Variants in GDPD5 observed in about 807,000 individuals in gnomAD.
GDPD5 encodes the protein glycerophosphodiester phosphodiesterase domain containing 5, also known as glycerophosphodiester phosphodiesterase 2.
In GDPD5, 48 loss-of-function variants were observed where a neutral mutation model predicts 75.1. That is an observed-to-expected ratio of 0.64 (90% confidence interval 0.51 to 0.81). The LOEUF (loss-of-function observed/expected upper bound fraction) is 0.81. Among genes scored for constraint, GDPD5 ranks in the 40% least tolerant of loss-of-function variants. The pLI is 0.00. For synonymous variants in GDPD5, 336 were observed against 339.0 expected, an observed-to-expected ratio of 0.99 and a Z score of 0.10; for missense variants, 706 against 822.6, an observed-to-expected ratio of 0.86 and a Z score of 1.73.
intron 1 of GDPD5, among the ~76,000 whole-genome samples, chr11:75,523,402 A>C (rs1287626944): frequency 6.6e-6 from 1 of 152,196 alleles, no homozygotes; most frequent in African/African-American, 2.4e-5. Context: ...GCAAACTCAA[A>C]GGCCCTGGGG....
At chr11:75,504,378 A>C (rs1183541268) in intron 1 of GDPD5, among the ~76,000 whole-genome samples, 1 of 152,112 alleles carries the variant, frequency 6.6e-6, no homozygotes, top group Non-Finnish European at 1.5e-5. Flanking sequence ...CCAACTTCAA[A>C]ACTCCCTACT....
intron 1 of GDPD5, among the ~76,000 whole-genome samples, chr11:75,518,608 C>T (rs902967087): frequency 1.3e-5 from 2 of 152,198 alleles, no homozygotes; most frequent in Admixed American, 6.5e-5. Flanking sequence ...ACCTCTGAAA[C>T]TCTCCTGCCA....
chr11:75,437,326 G>A (rs991195569), intron 15 of GDPD5: 9 of 459,490 alleles, frequency 2.0e-5, no homozygotes, highest in South Asian at 1.9e-4. Context: ...TGTCTCAGGT[G>A]TCCCCAGTAA....
intron 3 of GDPD5, among the ~76,000 whole-genome samples, chr11:75,473,753 A>G (rs914084796): frequency 1.3e-5 from 2 of 152,136 alleles, no homozygotes; most frequent in Non-Finnish European, 2.9e-5. Context: ...CCTGAACACA[A>G]GACACTCTCT....
intron 3 of GDPD5, among the ~76,000 whole-genome samples, chr11:75,465,923 G>A (rs1190213620): frequency 6.6e-6 from 1 of 152,244 alleles, no homozygotes; most frequent in East Asian, 1.9e-4. Flanking sequence ...AGGGCCCAGG[G>A]GCAAGGCTGA....
intron 2 of GDPD5, among the ~76,000 whole-genome samples, chr11:75,487,137 G>A (rs776610981): frequency 4.6e-5 from 7 of 152,166 alleles, no homozygotes; most frequent in East Asian, 3.9e-4. Context: ...TGTGCTCTCC[G>A]GCCCCAGCCT....
chr11:75,448,745 C>T (rs1448237914), intron 9 of GDPD5: 9 of 1,206,220 alleles, frequency 7.5e-6, no homozygotes, highest in African/African-American at 1.6e-5. Context: ...CCTCCTGCAT[C>T]TTTGCAGGGC....
At chr11:75,474,383 C>T (rs1949736124) in intron 3 of GDPD5, among the ~76,000 whole-genome samples, 1 of 152,200 alleles carries the variant, frequency 6.6e-6, no homozygotes, top group Non-Finnish European at 1.5e-5. Flanking sequence ...AGTCTTCTGT[C>T]CTACCAAGTC....
At chr11:75,456,153 C>T (rs1400297186) in intron 6 of GDPD5, among the ~76,000 whole-genome samples, 1 of 152,134 alleles carries the variant, frequency 6.6e-6, no homozygotes, top group Non-Finnish European at 1.5e-5. Flanking sequence ...AGGAGGCAGA[C>T]ATGCTGGGAG....
At chr11:75,486,322 T>C (rs969999366) in intron 2 of GDPD5, among the ~76,000 whole-genome samples, 2 of 152,090 alleles carry the variant, frequency 1.3e-5, no homozygotes, top group Non-Finnish European at 2.9e-5. Context: ...AGTTCAAAAC[T>C]TGGATGAAAG....
intron 8 of GDPD5, 92 bp downstream of exon 8, chr11:75,449,425 C>T (rs1208706567): frequency 3.1e-6 from 4 of 1,305,258 alleles, no homozygotes; most frequent in Non-Finnish European, 4.3e-6. Context: ...CATCCCCAGG[C>T]CACCCCCAGG....
chr11:75,524,823 C>T (rs1941602020), intron 1 of GDPD5, among the ~76,000 whole-genome samples: 1 of 148,306 alleles, frequency 6.7e-6, no homozygotes, highest in South Asian at 2.2e-4. Flanking sequence ...GAAGAAGCCA[C>T]TTCCTCAGCT....
chr11:75,454,855 T>C (rs984717003), intron 6 of GDPD5, among the ~76,000 whole-genome samples: 4 of 152,240 alleles, frequency 2.6e-5, no homozygotes, highest in African/African-American at 9.7e-5. Flanking sequence ...ATGTATTACA[T>C]GGTCAAAAGT....
chr11:75,437,018 G>A lies in GDPD5; in HGVS notation c.1587C>T (p.Asn529=), dbSNP rs1420030772. The A allele has an allele frequency of 3.1e-6, 5 of 1,613,306 alleles. No homozygotes were observed. The highest frequency in any genetic ancestry group is 4.2e-6 in the Non-Finnish European group (5 of 1,179,994). ...CAGCACTCAGCATGATCTGCTCAGG[G>A]TTGTAGCTCCGTATGCCACCCAGGC... is the stretch of plus-strand genomic sequence containing the variant. ...KWRLGGIRSY[N]PEQIMLSAAV... The change falls in exon 16 of 17, where the codon AAC becomes AAT. Residue 529 remains asparagine, a synonymous_variant. Transcript: ENST00000336898.
chr11:75,443,317 G>T, intron 10 of GDPD5, 31 bp from the exon 11 acceptor site: 1 of 1,582,618 alleles, frequency 6.3e-7, no homozygotes, highest in South Asian at 1.2e-5. Flanking sequence ...CCGAGTCAGT[G>T]ACCCCCCAGA....
chr11:75,439,815 T>C, intron 15 of GDPD5, 64 bp downstream of exon 15: 1 of 1,340,932 alleles, frequency 7.5e-7, no homozygotes, highest in African/African-American at 1.4e-5. Flanking sequence ...TTCACCTGGC[T>C]GGGGTGGGGG....
chr11:75,454,604 C>A (rs1949244352), intron 6 of GDPD5, among the ~76,000 whole-genome samples: 1 of 152,180 alleles, frequency 6.6e-6, no homozygotes, highest in Non-Finnish European at 1.5e-5. Context: ...AATATCCAGA[C>A]CAGGGAGCAG....
intron 9 of GDPD5, among the ~76,000 whole-genome samples, chr11:75,445,393 G>A (rs1948960216): frequency 6.6e-6 from 1 of 152,176 alleles, no homozygotes; most frequent in Admixed American, 6.5e-5. Flanking sequence ...GTTTCCCCAT[G>A]TGCCCCTTAG....
At chr11:75,508,415 C>G (rs1227820705) in intron 1 of GDPD5, 1 of 152,202 alleles carries the variant, frequency 6.6e-6, no homozygotes, top group East Asian at 1.9e-4. Flanking sequence ...TGATCTCACA[C>G]CAGCCTTGTG....
Sources: allele counts gnomAD v4.1 joint callset (sites outside exome capture counted in the v4.1 genomes callset), GRCh38; gene constraint gnomAD v4.1.1; transcripts MANE v1.5; gene names NCBI Gene and HGNC (gene_info 2026-07-23, HGNC 2026-07-21).